The following MMS22L variants were observed in gnomAD, a reference collection of about 807,000 sequenced individuals.
The protein encoded by MMS22L is protein MMS22-like.
A neutral mutation model predicts 159.1 loss-of-function variants in MMS22L; 74 were observed. The ratio of observed to expected loss-of-function variants is 0.47; its 90% CI spans 0.39 to 0.56. The LOEUF is 0.56. Among genes scored for constraint, MMS22L ranks in the 20% least tolerant of loss-of-function variants. MMS22L has a pLI of 0.00. For missense variants in MMS22L, 1,351 were observed against 1,422.1 expected (o/e 0.95, Z 0.80); for synonymous variants, 517 against 506.9 (o/e 1.02, Z -0.27).
intron 16 of MMS22L, among the ~76,000 whole-genome samples, chr6:97,181,583 A>G (rs183668468): frequency 6.6e-6 from 1 of 152,306 alleles, no homozygotes; most frequent in African/African-American, 2.4e-5. Context: ...TTACAGATTC[A>G]GTAATAATAA....
intron 19 of MMS22L, among the ~76,000 whole-genome samples, chr6:97,169,101 C>T (rs1193297587): frequency 1.3e-5 from 2 of 152,032 alleles, no homozygotes; most frequent in East Asian, 3.9e-4. Flanking sequence ...TTCAGTTAAC[C>T]TCCATGAACT....
chr6:97,281,416 G>T, intron 2 of MMS22L, 54 bp from the exon 3 acceptor site: 1 of 1,408,558 alleles, frequency 7.1e-7, no homozygotes, highest in South Asian at 1.3e-5. Context: ...ACCATAATAC[G>T]ACGGCTCTTT....
intron 11 of MMS22L, 146 bp from the exon 12 acceptor site, chr6:97,234,126 G>A: frequency 2.6e-6 from 2 of 778,270 alleles, no homozygotes; most frequent in South Asian, 5.2e-5. Context: ...ATGCAGACTA[G>A]GTCTAAATCA....
intron 7 of MMS22L, among the ~76,000 whole-genome samples, chr6:97,268,651 T>C (rs1293536703): frequency 6.6e-6 from 1 of 152,176 alleles, no homozygotes; most frequent in East Asian, 1.9e-4. Flanking sequence ...AAACATTATT[T>C]TTTTAACAAA....
rs368530769 is a variant in MMS22L, at chr6:97,173,083, T to C, written c.2819A>G (p.Gln940Arg). ...LGKKVFSAGLQLTYGMMGILV... is the reference protein window; with the variant it reads ...LGKKVFSAGLRLTYGMMGILV... The stretch of plus-strand genomic sequence containing the variant: ...CATACCCATCATTCCATAAGTCAGC[T>C]GCAGCCCTGCACTGAAAACTTTTTT... Residue 940 changes from glutamine to arginine, a missense_variant, in exon 19 of 25, where the codon CAG (glutamine) becomes CGG (arginine). Physicochemically the swap from Gln to Arg is conservative, Grantham distance 43. Coordinates refer to ENST00000683635, the MANE Select transcript of MMS22L (RefSeq NM_001350599.2). 2.5e-6 allele frequency: 4 copies of C among 1,611,480 alleles called. No homozygotes were observed. The African/African-American group carries it at 5.3e-5, about 22-fold the overall frequency.
At chr6:97,223,754 G>A (rs1339621656) in intron 14 of MMS22L, among the ~76,000 whole-genome samples, 1 of 152,078 alleles carries the variant, frequency 6.6e-6, no homozygotes. Flanking sequence ...GGACTGCCTT[G>A]ATAATATTTG....
At chr6:97,202,139 T>C (rs1212307594) in intron 14 of MMS22L, among the ~76,000 whole-genome samples, 2 of 152,152 alleles carry the variant, frequency 1.3e-5, no homozygotes, top group Admixed American at 1.3e-4. Context: ...TTTACATATA[T>C]TTTGCTGTGT....
chr6:97,192,201 GATGGATGGATGA>G (rs1414418234), intron 14 of MMS22L, among the ~76,000 whole-genome samples: 6 of 147,850 alleles, frequency 4.1e-5, no homozygotes, highest in African/African-American at 1.5e-4. Flanking sequence ...TGGATGGATG[GATGGATGGATGA>G]ATGAATGAAT....
intron 22 of MMS22L, among the ~76,000 whole-genome samples, chr6:97,161,045 A>G (rs1802383165): frequency 6.6e-6 from 1 of 152,098 alleles, no homozygotes; most frequent in African/African-American, 2.4e-5. Flanking sequence ...TGTTAAAGAC[A>G]ATATCTGACT....
rs111472841 is a variant in MMS22L at position 97,255,069 on chromosome 6, A to C, written c.943-336T>G. The stretch of plus-strand genomic sequence containing the variant: ...TCTGTATTTTGTTTTTTTTAAATGC[A>C]TGTCTGTATTCTCAAGCGGCTTGTT... On this transcript the variant is annotated intron_variant, in intron 9 of 24. Coordinates refer to ENST00000683635, the MANE Select transcript of MMS22L (RefSeq NM_001350599.2). Among the ~76,000 whole-genome samples, 1,433 of 152,062 alleles carry C rather than the reference A, an allele frequency of 9.4e-3. 24 individuals are homozygous for C. The highest frequency in any genetic ancestry group is 0.032 in the African/African-American group (1,311 of 41,490).
At chr6:97,240,976 C>T (rs1279930839) in intron 11 of MMS22L, among the ~76,000 whole-genome samples, 1 of 152,160 alleles carries the variant, frequency 6.6e-6, no homozygotes, top group Non-Finnish European at 1.5e-5. Flanking sequence ...CACCATTCCC[C>T]TCAGGCCCTC....
At chr6:97,150,916 G>C (rs1332095767) in intron 23 of MMS22L, among the ~76,000 whole-genome samples, 2 of 152,022 alleles carry the variant, frequency 1.3e-5, no homozygotes, top group African/African-American at 4.8e-5. Context: ...AACAAGACAG[G>C]GAAGAAAAAG....
intron 10 of MMS22L, among the ~76,000 whole-genome samples, chr6:97,250,652 A>G (rs542387358): frequency 1.3e-5 from 2 of 152,130 alleles, no homozygotes; most frequent in Admixed American, 6.5e-5. Context: ...ACAGGCCTAC[A>G]CTAAGAAATT....
In MMS22L at chr6:97,145,021, A is replaced by ATC. The variant is rs1356872592; in HGVS notation, c.*1784_*1785insGA. ...TTATCAATCTCCTTTGGAAAAAAAAAACCCACACACACACACACACACACA... is the reference window on the plus strand; with the variant it reads ...TTATCAATCTCCTTTGGAAAAAAAAATCACCCACACACACACACACACACACA... On this transcript the variant is annotated 3_prime_UTR_variant, in exon 25 of 25. Coordinates refer to ENST00000683635, the MANE Select transcript of MMS22L (RefSeq NM_001350599.2). 1.1e-5 allele frequency: 1 copy of ATC among 90,750 alleles called. No homozygotes were observed. The allele number at this position is 90,750 out of a possible 1,614,324, so 5.6% of individuals were successfully genotyped here. A position where few individuals can be genotyped will look rare whatever the true frequency, so the allele number is the denominator to read the frequency against.
chr6:97,275,798 A>G (rs1250741328), intron 4 of MMS22L, among the ~76,000 whole-genome samples: 3 of 152,156 alleles, frequency 2.0e-5, no homozygotes, highest in Non-Finnish European at 4.4e-5. Flanking sequence ...TGAGCCCAGA[A>G]GTTTGAGACC....
At chr6:97,250,402 C>T (rs1281569586) in intron 10 of MMS22L, among the ~76,000 whole-genome samples, 1 of 152,142 alleles carries the variant, frequency 6.6e-6, no homozygotes, top group Non-Finnish European at 1.5e-5. Flanking sequence ...GATTCAAAGA[C>T]GAGCATCAGC....
chr6:97,226,504 G>C (rs983449876), intron 14 of MMS22L, among the ~76,000 whole-genome samples: 1 of 152,100 alleles, frequency 6.6e-6, no homozygotes, highest in African/African-American at 2.4e-5. Context: ...TGAGGCAGGA[G>C]AATTGCTTGA....
At chr6:97,241,391 GTGTT>G (rs925718891) in intron 11 of MMS22L, among the ~76,000 whole-genome samples, 1 of 152,124 alleles carries the variant, frequency 6.6e-6, no homozygotes, top group Admixed American at 6.5e-5. Flanking sequence ...GTTTTCCACA[GTGTT>G]TGTACTAGTT....
At chr6:97,259,429 C>T (rs1814202072) in intron 9 of MMS22L, 1 of 152,138 alleles carries the variant, frequency 6.6e-6, no homozygotes, top group African/African-American at 2.4e-5. Context: ...GGGTGGGTGC[C>T]ATCCAATCAA....
Sources: gnomAD v4.1 joint callset for allele counts (sites outside exome capture counted in the v4.1 genomes callset) on GRCh38, gnomAD v4.1.1 for gene constraint, MANE v1.5 for transcripts, NCBI Gene and HGNC (gene_info 2026-07-23, HGNC 2026-07-21) for gene names.